Variants in GLDC observed in about 807,000 individuals in gnomAD.
GLDC encodes the protein glycine dehydrogenase (decarboxylating), mitochondrial.
Under a neutral mutation model 121.3 loss-of-function variants are expected in GLDC, and 104 were observed. That is an observed-to-expected ratio of 0.86 (90% confidence interval 0.73 to 1.01). GLDC has a LOEUF of 1.01. Ranked by LOEUF, GLDC falls within the 50% of genes least tolerant of loss-of-function variation. GLDC has a pLI of 0.00. For missense variants in GLDC, 1,429 were observed against 1,306.6 expected (o/e 1.09, Z -1.44); for synonymous variants, 546 against 480.6 (o/e 1.14, Z -1.78).
intron 1 of GLDC, 63 bp from the exon 2 acceptor site, chr9:6,644,755 T>C (rs1819704958): frequency 1.8e-6 from 2 of 1,135,412 alleles, no homozygotes; most frequent in African/African-American, 1.5e-5. Flanking sequence ...CTCTGTGTTT[T>C]GCGACTACAA....
At chr9:6,540,982 C>A (rs1396321956) in intron 21 of GLDC, 2 of 152,230 alleles carry the variant, frequency 1.3e-5, no homozygotes, top group African/African-American at 4.8e-5. Flanking sequence ...CATGGCCAAA[C>A]CCTAGCCCTA....
chr9:6,565,207 G>A (rs1340859934), intron 16 of GLDC, 147 bp downstream of exon 16: 5 of 751,106 alleles, frequency 6.7e-6, no homozygotes, highest in South Asian at 2.8e-5. Flanking sequence ...GGATCATAAT[G>A]GCTAGTTCAC....
At chr9:6,611,691 TG>T (rs1183450122) in intron 3 of GLDC, among the ~76,000 whole-genome samples, 6 of 152,226 alleles carry the variant, frequency 3.9e-5, no homozygotes, top group African/African-American at 1.4e-4. Context: ...AGACACTGCT[TG>T]TTTTTTCTGT....
At chr9:6,636,352 C>G (rs933910401) in intron 2 of GLDC, among the ~76,000 whole-genome samples, 1 of 151,668 alleles carries the variant, frequency 6.6e-6, no homozygotes, top group Non-Finnish European at 1.5e-5. Context: ...AATGTAGGTT[C>G]AATTGTAGCA....
intron 24 of GLDC, 44 bp downstream of exon 24, chr9:6,534,664 G>T (rs752809340): frequency 3.0e-6 from 3 of 985,224 alleles, no homozygotes; most frequent in Non-Finnish European, 4.9e-6. Context: ...ATAGGAGCTG[G>T]CCCATGCCTT....
chr9:6,592,277 G>A (rs1374685136), intron 10 of GLDC, 54 bp from the exon 11 acceptor site: 5 of 1,100,158 alleles, frequency 4.5e-6, no homozygotes, highest in Admixed American at 1.7e-5. Context: ...CACATCACTG[G>A]AGGAATCCCA....
At chr9:6,615,086 G>A (rs1186850505) in intron 3 of GLDC, among the ~76,000 whole-genome samples, 1 of 152,182 alleles carries the variant, frequency 6.6e-6, no homozygotes, top group Non-Finnish European at 1.5e-5. Context: ...CGTCGCTCTA[G>A]CCAATATCTC....
intron 3 of GLDC, among the ~76,000 whole-genome samples, chr9:6,619,276 C>A (rs1819031945): frequency 1.3e-5 from 2 of 151,766 alleles, no homozygotes. Flanking sequence ...CTAGAAGAGC[C>A]TGTCTACAGA....
intron 20 of GLDC, among the ~76,000 whole-genome samples, chr9:6,552,836 G>A (rs1195146924): frequency 1.3e-5 from 2 of 152,072 alleles, no homozygotes; most frequent in Admixed American, 6.5e-5. Context: ...GACTAATTAC[G>A]CAGAGAGCAC....
At chr9:6,559,308 A>G (rs867889246) in intron 16 of GLDC, among the ~76,000 whole-genome samples, 4 of 151,662 alleles carry the variant, frequency 2.6e-5, no homozygotes, top group Non-Finnish European at 5.9e-5. Flanking sequence ...TGAGGTCAGG[A>G]GTTAGAGACC....
intron 5 of GLDC, 62 bp from the exon 6 acceptor site, chr9:6,605,340 G>GGGAAAA: frequency 6.5e-7 from 1 of 1,549,046 alleles, no homozygotes; most frequent in Non-Finnish European, 8.9e-7. Flanking sequence ...ATTAATTAAC[G>GGGAAAA]TTTCTTTTCC....
intron 18 of GLDC, 33 bp from the exon 19 acceptor site, chr9:6,554,814 C>T (rs1293047289): frequency 6.5e-7 from 1 of 1,545,246 alleles, no homozygotes; most frequent in Non-Finnish European, 8.9e-7. Context: ...AAGCAAAAGT[C>T]AAGAGCTTGG....
At chr9:6,634,841 C>A (rs59723206) in intron 2 of GLDC, among the ~76,000 whole-genome samples, 163 of 152,292 alleles carry the variant, frequency 1.1e-3, no homozygotes, top group African/African-American at 3.7e-3. Flanking sequence ...TTCTCCCCCT[C>A]CCTCTCCTCT....
chr9:6,562,105 G>C (rs1817770474), intron 16 of GLDC, among the ~76,000 whole-genome samples: 1 of 152,248 alleles, frequency 6.6e-6, no homozygotes, highest in Admixed American at 6.5e-5. Context: ...AAGATCTGGA[G>C]GTCTGCTGAG....
intron 16 of GLDC, among the ~76,000 whole-genome samples, chr9:6,563,156 G>C (rs76621885): frequency 5.4e-4 from 82 of 152,346 alleles, no homozygotes; most frequent in Admixed American, 2.0e-3. Context: ...ACAAGTCACG[G>C]AAGAACCCCG....
chr9:6,618,247 T>A (rs1462918129), intron 3 of GLDC, among the ~76,000 whole-genome samples: 2 of 152,106 alleles, frequency 1.3e-5, no homozygotes, highest in Non-Finnish European at 2.9e-5. Flanking sequence ...ATGGCACCAA[T>A]CCAAAAAGAT....
At chr9:6,547,148 T>TAC (rs1373324858) in intron 21 of GLDC, among the ~76,000 whole-genome samples, 1 of 152,118 alleles carries the variant, frequency 6.6e-6, no homozygotes, top group Non-Finnish European at 1.5e-5. Flanking sequence ...ACCCGGCTGC[T>TAC]ACTAAATAAA....
At chr9:6,631,024 C>T (rs983795650) in intron 2 of GLDC, among the ~76,000 whole-genome samples, 1 of 152,182 alleles carries the variant, frequency 6.6e-6, no homozygotes, top group Non-Finnish European at 1.5e-5. Flanking sequence ...CCATACGCTA[C>T]GCTCTGCACA....
At position 6,645,588 on chromosome 9, in the gene GLDC, G is replaced by A. The variant is rs1819732120; in HGVS notation, c.-89C>T. 3.0e-6 allele frequency: 3 copies of A among 998,638 alleles called. No individual in the cohort carries two copies. The highest frequency in any genetic ancestry group is 1.3e-6 in the Non-Finnish European group (1 of 777,852). The allele number at this position is 998,638 out of a possible 1,614,324, so 61.9% of individuals were successfully genotyped here. On this transcript the variant is annotated 5_prime_UTR_variant, in exon 1 of 25. Transcript: ENST00000321612. The stretch of plus-strand genomic sequence containing the variant: ...GGCCTCGGTCCCCCGGGTGGCGGCT[G>A]CGCCCGGCCTGGAGCCCCTTTCGCT...
Sources: allele counts gnomAD v4.1 joint callset (sites outside exome capture counted in the v4.1 genomes callset), GRCh38; gene constraint gnomAD v4.1.1; transcripts MANE v1.5; gene names NCBI Gene and HGNC (gene_info 2026-07-23, HGNC 2026-07-21).